The following PDGFRB variants were observed in gnomAD, a reference collection of about 807,000 sequenced individuals.
The protein encoded by PDGFRB is platelet-derived growth factor receptor beta.
In PDGFRB, 42 loss-of-function variants were observed where a neutral mutation model predicts 120.2. The observed-to-expected ratio is 0.35, with a 90% CI of 0.27 to 0.45. The LOEUF (loss-of-function observed/expected upper bound fraction) is 0.45, where lower values mean the gene tolerates loss of function less well. Among genes scored for constraint, PDGFRB ranks in the 20% least tolerant of loss-of-function variants. The pLI is 1.00. For synonymous variants in PDGFRB, 586 were observed against 606.8 expected (o/e 0.97, Z 0.50); for missense variants, 1,149 against 1,476.3 (o/e 0.78, Z 3.63).
chr5:150,133,018 G>C, intron 6 of PDGFRB, 76 bp from the exon 7 acceptor site: 1 of 1,061,108 alleles, frequency 9.4e-7, no homozygotes, highest in Non-Finnish European at 1.4e-6. Flanking sequence ...CCAGCCTGTG[G>C]GGTGGGGCTT....
At position 150,129,884 on chromosome 5, in the gene PDGFRB, C is replaced by T. The variant is rs756984817; in HGVS notation, c.1452G>A (p.Glu484=). ...TCACCACCTCAAACTCCTGCTCCTC[C>T]TCCCAGTACGTCACGTTAGTCTCCA... is the stretch of plus-strand genomic sequence containing the variant. ...SQLETNVTYW[E]EEQEFEVVST... is the part of the protein sequence containing the mutation. The change falls in exon 10 of 23, where the codon GAG becomes GAA. Residue 484 remains glutamate (E), a synonymous_variant. Transcript: ENST00000261799. 58 of 1,614,050 alleles carry T rather than the reference C, an allele frequency of 3.6e-5. No individual in the cohort carries two copies. The South Asian group carries it at 6.0e-4, about 17-fold the overall frequency.
intron 1 of PDGFRB, 35 bp from the exon 2 acceptor site, chr5:150,137,088 G>A (rs748539131): frequency 3.8e-6 from 6 of 1,592,532 alleles, no homozygotes; most frequent in Non-Finnish European, 1.7e-6. Flanking sequence ...GCCCAGGGCA[G>A]GTGGAGGCAG....
At chr5:150,141,365 C>G (rs1182689394) in intron 1 of PDGFRB, among the ~76,000 whole-genome samples, 1 of 152,246 alleles carries the variant, frequency 6.6e-6, no homozygotes, top group Non-Finnish European at 1.5e-5. Context: ...GCACCAGGAA[C>G]CATTCTGAGC....
At position 150,155,724 on chromosome 5, in the gene PDGFRB, G is replaced by T. The variant is rs1402848731; in HGVS notation, c.-334C>A. ...TTGGGCAGGGCGAGCACAGGCTGCT[G>T]CTGGGCAGCAGGGCTGAGGGGCCGG... is the stretch of plus-strand genomic sequence containing the variant. On this transcript the variant is annotated 5_prime_UTR_variant, in exon 1 of 23. Transcript: ENST00000261799. 1.0e-5 allele frequency: 4 copies of T among 398,542 alleles called. No homozygotes were observed. The Admixed American group carries it at 1.3e-4, about 13-fold the overall frequency. The allele number at this position is 398,542 out of a possible 1,614,324, so 24.7% of individuals were successfully genotyped here. A position where few individuals can be genotyped will look rare whatever the true frequency, so the allele number is the denominator to read the frequency against.
At chr5:150,128,252 G>A (rs186168392) in intron 10 of PDGFRB, among the ~76,000 whole-genome samples, 82 of 152,328 alleles carry the variant, frequency 5.4e-4, no homozygotes, top group African/African-American at 2.0e-3. Context: ...TTCCACTCAG[G>A]CTGTCCACAC....
chr5:150,126,515 C>T lies in PDGFRB; in HGVS notation c.1674+5G>A. On this transcript the variant is annotated splice_donor_5th_base_variant and intron_variant, in intron 11 of 22. Coordinates refer to ENST00000261799, the MANE Select transcript of PDGFRB (RefSeq NM_002609.4). ...CTTCACCCACTGGGCCAGGGAGGGG[C>T]TTACCTTCTGCCAAAGCATGATGAG... The T allele has an allele frequency of 3.3e-6, 5 of 1,536,722 alleles. No homozygotes were observed. Among genetic ancestry groups the T allele is most frequent in the Non-Finnish European group, 4.5e-6 (5 of 1,109,522 alleles).
intron 22 of PDGFRB, 76 bp downstream of exon 22, chr5:150,117,542 G>GCACACACACACACA (rs1289430637): frequency 2.2e-6 from 1 of 461,986 alleles, no homozygotes; most frequent in East Asian, 3.1e-5. Flanking sequence ...GCGCGCGCGC[G>GCACACACACACACA]CGCACACACA....
In PDGFRB at chr5:150,133,568, T is replaced by G; in HGVS notation, c.934+18A>C. The G allele has an allele frequency of 6.2e-7, 1 of 1,609,432 alleles. No individual in the cohort carries two copies. The highest frequency in any genetic ancestry group is 8.5e-7 in the Non-Finnish European group (1 of 1,176,026). ...GCGTTGAAGGAATTGGGGATTGGGCTGAGCCCAAGGCACACACCAACCACG... is the reference window on the plus strand; with the variant it reads ...GCGTTGAAGGAATTGGGGATTGGGCGGAGCCCAAGGCACACACCAACCACG... On this transcript the variant is annotated intron_variant, in intron 6 of 22. Coordinates refer to ENST00000261799, the MANE Select transcript of PDGFRB (RefSeq NM_002609.4).
rs764493388 is a variant in PDGFRB, at chr5:150,135,828, G to T, written c.91C>A (p.Gln31Lys). Residue 31 changes from glutamine (Q) to lysine (K), a missense_variant, in exon 3 of 23, where the codon CAG becomes AAG. Gln to Lys is a moderately conservative substitution (Grantham distance 53, BLOSUM62 1). Coordinates refer to ENST00000261799, the MANE Select transcript of PDGFRB (RefSeq NM_002609.4). Reference sequence around the variant, plus strand: ...CCCGGGGGTGTGACGACCAGGCCCTGAGAGATCTGTGGTTCCAGAAGTAAC... The same window carrying T: ...CCCGGGGGTGTGACGACCAGGCCCTTAGAGATCTGTGGTTCCAGAAGTAAC... ...LLLLLEPQIS[Q>K]GLVVTPPGPE... 6 of 1,557,898 alleles carry T rather than the reference G, an allele frequency of 3.9e-6. No individual in the cohort carries two copies. The South Asian group carries it at 7.4e-5, about 19-fold the overall frequency.
In PDGFRB at chr5:150,124,370, A is replaced by T. The variant is rs778006766; in HGVS notation, c.1913-10T>A. 1.2e-6 allele frequency: 2 copies of T among 1,610,414 alleles called. No individual in the cohort carries two copies. Among genetic ancestry groups the T allele is most frequent in the Admixed American group, 1.7e-5 (1 of 60,000 alleles). ...CTGCTGCGGGCTGTGGCTGAGGAAA[A>T]TGGGGGCCCCAGGCCAGGCCCAGTC... On this transcript the variant is annotated splice_polypyrimidine_tract_variant and intron_variant, in intron 13 of 22. Transcript: ENST00000261799.
Position 150,117,721 on chromosome 5 carries a change from C to A in PDGFRB, c.3034G>T (p.Val1012Leu), listed in dbSNP as rs757545741. 1 of 1,613,328 alleles carries A rather than the reference C, an allele frequency of 6.2e-7. No individual in the cohort carries two copies. ...LDTSSVLYTAVQPNEGDNDYI... is the reference protein window; with the variant it reads ...LDTSSVLYTALQPNEGDNDYI... Reference sequence around the variant, plus strand: ...TCGTTGTCACCCTCATTGGGCTGCACGGCAGTATAGAGGACGGAGCTGGTG... The same window carrying A: ...TCGTTGTCACCCTCATTGGGCTGCAAGGCAGTATAGAGGACGGAGCTGGTG... The change falls in exon 22 of 23, where the codon GTG becomes TTG. Residue 1012 changes from valine (V) to leucine (L), a missense_variant. Transcript: ENST00000261799.
At position 150,115,354 on chromosome 5, in the gene PDGFRB, C is replaced by T. The variant is rs1461248364; in HGVS notation, c.*409G>A. On this transcript the variant is annotated 3_prime_UTR_variant, in exon 23 of 23. Transcript: ENST00000261799. ...AGAGCTATGATTCCTTGAGGGGTAG[C>T]TGGCTGAACAGAAAAAAGTTAATTT... The T allele has an allele frequency of 8.5e-6, 2 of 235,742 alleles. No homozygotes were observed. Among genetic ancestry groups the T allele is most frequent in the African/African-American group, 4.4e-5 (2 of 45,394 alleles). 14.6% of individuals were successfully genotyped at this position (235,742 alleles called of 1,614,324 possible).
intron 1 of PDGFRB, among the ~76,000 whole-genome samples, chr5:150,139,763 C>A (rs896823146): frequency 2.6e-5 from 4 of 152,050 alleles, no homozygotes; most frequent in Non-Finnish European, 5.9e-5. Flanking sequence ...AGGCGGATCA[C>A]GAGGTTGAGA....
At chr5:150,149,767 T>G (rs1761021724) in intron 1 of PDGFRB, among the ~76,000 whole-genome samples, 1 of 152,182 alleles carries the variant, frequency 6.6e-6, no homozygotes, top group Non-Finnish European at 1.5e-5. Flanking sequence ...CCTCTAAGGC[T>G]AACTGGAAAC....
chr5:150,139,128 G>C (rs1359368480), intron 1 of PDGFRB, among the ~76,000 whole-genome samples: 2 of 152,206 alleles, frequency 1.3e-5, no homozygotes, highest in East Asian at 3.8e-4. Flanking sequence ...GAGACTCTGA[G>C]CTAGGAGGTA....
chr5:150,135,701 A>G lies in PDGFRB; in HGVS notation c.218T>C (p.Met73Thr). 1.2e-6 allele frequency: 2 copies of G among 1,614,132 alleles called. No individual in the cohort carries two copies. The highest frequency in any genetic ancestry group is 8.5e-7 in the Non-Finnish European group (1 of 1,180,000). The stretch of plus-strand genomic sequence containing the variant: ...GAAGGTGCCATCCTGGGCCTTGGCC[A>G]TTTCCTGTGGGGGCTCCTGGGACAT... ...ERMSQEPPQE[M>T]AKAQDGTFSS... The change falls in exon 3 of 23, where the codon ATG (methionine) becomes ACG (threonine). Residue 73 changes from methionine (M) to threonine (T), a missense_variant. Transcript: ENST00000261799.
intron 10 of PDGFRB, among the ~76,000 whole-genome samples, chr5:150,127,984 C>A (rs1760347262): frequency 6.6e-6 from 1 of 152,112 alleles, no homozygotes; most frequent in Admixed American, 6.5e-5. Context: ...ACCCCTTATC[C>A]ATTCTCCCTT....
chr5:150,151,944 AT>A (rs539474323), intron 1 of PDGFRB, among the ~76,000 whole-genome samples: 15 of 145,938 alleles, frequency 1.0e-4, no homozygotes, highest in African/African-American at 2.9e-4. Flanking sequence ...TTATTTATTT[AT>A]TTTTTTTGAG....
rs930894698 is a variant in PDGFRB at position 150,121,552 on chromosome 5, G to GGCCT, written c.2345-234_2345-231dup. Among the ~76,000 whole-genome samples, 83 of 152,336 alleles carry GGCCT rather than the reference G, an allele frequency of 5.4e-4. No homozygotes were observed. Among genetic ancestry groups the GGCCT allele is most frequent in the African/African-American group, 1.8e-3 (74 of 41,578 alleles). ...CCCTTGGGCCACTTTTGCCCAGCCT[G>GGCCT]GCCTGCCTGCCTGCCTCTCAGGGAC... On this transcript the variant is annotated intron_variant, in intron 16 of 22. Coordinates refer to ENST00000261799, the MANE Select transcript of PDGFRB (RefSeq NM_002609.4). This position sits in a 1 kb window ranked among gnomAD's most constrained non-coding sequence, Gnocchi z 4.1.
Sources: gnomAD v4.1 joint callset for allele counts (sites outside exome capture counted in the v4.1 genomes callset) on GRCh38, gnomAD v4.1.1 for gene constraint, Gnocchi (gnomAD v3.1) non-coding constraint, MANE v1.5 for transcripts, NCBI Gene and HGNC (gene_info 2026-07-23, HGNC 2026-07-21) for gene names.